AUTS2: variants seen among roughly 807,000 people sequenced by gnomAD.
AUTS2 encodes autism susceptibility gene 2 protein.
A neutral mutation model predicts 112.4 loss-of-function variants in AUTS2; 17 were observed. The ratio of observed to expected loss-of-function variants is 0.15; its 90% CI spans 0.10 to 0.23. AUTS2 has a LOEUF of 0.23. Ranked by LOEUF, AUTS2 falls within the 10% of genes least tolerant of loss-of-function variation. The pLI, the probability that AUTS2 is intolerant of heterozygous loss-of-function variation, is 1.00. For synonymous variants in AUTS2, 751 were observed against 702.7 expected (o/e 1.07, Z -1.09); for missense variants, 1,510 against 1,701.6 (o/e 0.89, Z 1.98).
chr7:70,506,303 G>A (rs552787211), intron 5 of AUTS2, among the ~76,000 whole-genome samples: 2 of 152,338 alleles, frequency 1.3e-5, no homozygotes, highest in South Asian at 2.1e-4. Flanking sequence ...GGAGCTACAA[G>A]GACAGACGTC....
intron 1 of AUTS2, among the ~76,000 whole-genome samples, chr7:69,681,894 A>G (rs911433554): frequency 6.6e-6 from 1 of 152,202 alleles, no homozygotes; most frequent in African/African-American, 2.4e-5. Flanking sequence ...GACCTTGGCA[A>G]TTGAGTGCTA....
At chr7:69,933,109 T>C (rs1796283896) in intron 2 of AUTS2, among the ~76,000 whole-genome samples, 1 of 152,248 alleles carries the variant, frequency 6.6e-6, no homozygotes, top group Non-Finnish European at 1.5e-5. Flanking sequence ...TTTGTTTTTG[T>C]GTTAGATTTC....
At chr7:70,271,852 ATTG>A (rs1325042629) in intron 4 of AUTS2, among the ~76,000 whole-genome samples, 1 of 152,212 alleles carries the variant, frequency 6.6e-6, no homozygotes, top group East Asian at 1.9e-4. Context: ...TCTGCCGCAT[ATTG>A]TTAAATTAAT....
intron 2 of AUTS2, among the ~76,000 whole-genome samples, chr7:70,083,161 G>A (rs990670856): frequency 6.6e-6 from 1 of 152,080 alleles, no homozygotes; most frequent in Admixed American, 6.6e-5. Context: ...ATACTTTGTG[G>A]ATGATTTTAT....
At chr7:69,702,944 C>G (rs1797884617) in intron 1 of AUTS2, among the ~76,000 whole-genome samples, 1 of 152,176 alleles carries the variant, frequency 6.6e-6, no homozygotes, top group Non-Finnish European at 1.5e-5. Context: ...CACATGGATC[C>G]TGCTTGCATT....
chr7:69,898,529 T>C lies in AUTS2; in HGVS notation c.310-757T>C, dbSNP rs1415393803. On this transcript the variant is annotated intron_variant, in intron 1 of 18. Coordinates refer to ENST00000342771, the MANE Select transcript of AUTS2 (RefSeq NM_015570.4). ...AGTCTGTTGGAACCTTGGTGTGTAC[T>C]GAGCTGCCTGGAGGCACAGAACTCT... 3.3e-5 allele frequency among the ~76,000 whole-genome samples: 5 copies of C among 152,182 alleles called. No individual in the cohort carries two copies. The South Asian group carries it at 8.3e-4, about 25-fold the overall frequency.
intron 5 of AUTS2, among the ~76,000 whole-genome samples, chr7:70,452,121 TTTGTTG>T (rs1235912098): frequency 6.6e-6 from 1 of 152,154 alleles, no homozygotes; most frequent in South Asian, 2.1e-4. Flanking sequence ...TTTTTTTGTT[TTTGTTG>T]TTGTTGTTGT....
At chr7:70,666,664 A>G (rs1360638704) in intron 5 of AUTS2, among the ~76,000 whole-genome samples, 4 of 151,564 alleles carry the variant, frequency 2.6e-5, no homozygotes, top group Non-Finnish European at 5.9e-5. Flanking sequence ...TTTTTTTTAT[A>G]TATGTCTGGG....
intron 2 of AUTS2, among the ~76,000 whole-genome samples, chr7:70,108,311 A>T (rs1022176972): frequency 6.6e-6 from 1 of 152,214 alleles, no homozygotes; most frequent in African/African-American, 2.4e-5. Flanking sequence ...CAAATTCTAG[A>T]TGCTCATAAT....
At chr7:70,258,772 A>G (rs1249148034) in intron 4 of AUTS2, among the ~76,000 whole-genome samples, 1 of 152,216 alleles carries the variant, frequency 6.6e-6, no homozygotes, top group East Asian at 1.9e-4. Context: ...TAAACTTCAA[A>G]AGTGACTAGA....
chr7:69,906,659 G>A (rs1429346501), intron 2 of AUTS2, among the ~76,000 whole-genome samples: 1 of 152,226 alleles, frequency 6.6e-6, no homozygotes, highest in Non-Finnish European at 1.5e-5. Context: ...AGGCAATTCT[G>A]TGTGGTAAAT....
chr7:70,254,791 G>A (rs890431278), intron 4 of AUTS2, among the ~76,000 whole-genome samples: 18 of 152,148 alleles, frequency 1.2e-4, no homozygotes, highest in Admixed American at 1.1e-3. Context: ...TGGTTCTTCT[G>A]TATCTGTTGA....
chr7:70,224,176 A>G (rs1399817578), intron 4 of AUTS2, among the ~76,000 whole-genome samples: 1 of 152,102 alleles, frequency 6.6e-6, no homozygotes, highest in African/African-American at 2.4e-5. Flanking sequence ...TTAAGTGGGC[A>G]TGATGGTGTG....
At chr7:70,415,120 C>T (rs772020365) in intron 4 of AUTS2, among the ~76,000 whole-genome samples, 8 of 152,218 alleles carry the variant, frequency 5.3e-5, no homozygotes, top group African/African-American at 9.6e-5. Flanking sequence ...TGCCAATTCT[C>T]AAAGAGCCCC....
At chr7:69,967,093 T>G (rs1447684950) in intron 2 of AUTS2, among the ~76,000 whole-genome samples, 1 of 152,120 alleles carries the variant, frequency 6.6e-6, no homozygotes, top group Non-Finnish European at 1.5e-5. Flanking sequence ...GACTGGACTG[T>G]TTTTAGTGTG....
chr7:70,393,090 G>A (rs1481806271), intron 4 of AUTS2, among the ~76,000 whole-genome samples: 1 of 152,212 alleles, frequency 6.6e-6, no homozygotes, highest in African/African-American at 2.4e-5. Context: ...TGCCTGTAGG[G>A]GAGCGGGCCA....
intron 1 of AUTS2, among the ~76,000 whole-genome samples, chr7:69,801,674 T>TATTC (rs552284821): frequency 5.1e-4 from 77 of 152,320 alleles, no homozygotes; most frequent in Middle Eastern, 6.8e-3. Flanking sequence ...TTTGTTCATT[T>TATTC]ATTCATTCAT....
intron 2 of AUTS2, among the ~76,000 whole-genome samples, chr7:70,015,569 T>A (rs1315132126): frequency 6.6e-6 from 1 of 152,204 alleles, no homozygotes; most frequent in Non-Finnish European, 1.5e-5. Flanking sequence ...AATAAAAGAA[T>A]TAGTTGAGAT....
At chr7:70,482,626 G>A (rs896612788) in intron 5 of AUTS2, among the ~76,000 whole-genome samples, 1 of 152,150 alleles carries the variant, frequency 6.6e-6, no homozygotes, top group African/African-American at 2.4e-5. Context: ...TGGGGGGAGG[G>A]CCTCTGCAGG....
Sources: gnomAD v4.1 joint callset for allele counts (sites outside exome capture counted in the v4.1 genomes callset) on GRCh38, gnomAD v4.1.1 for gene constraint, MANE v1.5 for transcripts, NCBI Gene and HGNC (gene_info 2026-07-23, HGNC 2026-07-21) for gene names.